Variants in NCS1 observed in about 807,000 individuals in gnomAD.
NCS1 encodes the protein neuronal calcium sensor 1, also known as frequenin homolog.
NCS1 carries 6 observed loss-of-function variants against 28.4 expected under a neutral mutation model. The observed-to-expected ratio is 0.21, with a 90% CI of 0.12 to 0.42. NCS1 has a LOEUF of 0.42. Among genes scored for constraint, NCS1 ranks in the 10% least tolerant of loss-of-function variants. The pLI, the probability that NCS1 is intolerant of heterozygous loss-of-function variation, is 1.00. For missense variants in NCS1, 131 were observed against 241.4 expected (o/e 0.54, Z 3.03); for synonymous variants, 86 against 99.3 (o/e 0.87, Z 0.79).
intron 2 of NCS1, among the ~76,000 whole-genome samples, chr9:130,217,277 A>G (rs1554909550): frequency 6.6e-6 from 1 of 152,184 alleles, no homozygotes; most frequent in African/African-American, 2.4e-5. Context: ...GTCCAGTTGG[A>G]ACAGCCAGGA....
rs1283604867 is a variant in NCS1, at chr9:130,181,758, G to A, written c.64+9031G>A. Reference sequence around the variant, plus strand: ...TGGTGTGGGTGTTGCAGGCAGGGCGGGTGCTGCGGGGCACGTGGGCAAGTC... The same window carrying A: ...TGGTGTGGGTGTTGCAGGCAGGGCGAGTGCTGCGGGGCACGTGGGCAAGTC... On this transcript the variant is annotated intron_variant, in intron 1 of 7. Coordinates refer to ENST00000372398, the MANE Select transcript of NCS1 (RefSeq NM_014286.4). The surrounding 1 kb of genome is among the most constrained non-coding windows in gnomAD (Gnocchi z 5.0). Among the ~76,000 whole-genome samples, 1 of 152,158 alleles carries A rather than the reference G, an allele frequency of 6.6e-6. No homozygotes were observed. The highest frequency in any genetic ancestry group is 1.5e-5 in the Non-Finnish European group (1 of 68,020).
At chr9:130,228,670 T>TC (rs1554911732) in intron 7 of NCS1, among the ~76,000 whole-genome samples, 2 of 151,060 alleles carry the variant, frequency 1.3e-5, no homozygotes. Context: ...TTTCTTTCTT[T>TC]CTTTTTTTTT....
chr9:130,180,117 C>T lies in NCS1; in HGVS notation c.64+7390C>T, dbSNP rs59952029. On this transcript the variant is annotated intron_variant, in intron 1 of 7. Coordinates refer to ENST00000372398, the MANE Select transcript of NCS1 (RefSeq NM_014286.4). The surrounding 1 kb of genome is among the most constrained non-coding windows in gnomAD (Gnocchi z 4.5). Reference sequence around the variant, plus strand: ...TGGCGCGATCTCGGCTCACTATAATCGCCACCTCCCGGGTTCAAGCTGTTC... The same window carrying T: ...TGGCGCGATCTCGGCTCACTATAATTGCCACCTCCCGGGTTCAAGCTGTTC... Among the ~76,000 whole-genome samples, 8,193 of 152,186 alleles carry T rather than the reference C, an allele frequency of 0.054. 753 individuals carry two copies. The highest frequency in any genetic ancestry group is 0.19 in the African/African-American group (7,752 of 41,468).
At chr9:130,221,415 GAGA>G (rs1833298413) in intron 4 of NCS1, among the ~76,000 whole-genome samples, 1 of 48,106 alleles carries the variant, frequency 2.1e-5, no homozygotes, top group African/African-American at 8.2e-5. Context: ...TATATATATA[GAGA>G]GAGAGAGAGA....
rs141829176 is a variant in NCS1, at chr9:130,185,789, G to A, written c.64+13062G>A. Among the ~76,000 whole-genome samples the A allele has an allele frequency of 6.6e-3, 1,008 of 152,340 alleles. 15 individuals are homozygous for A. The highest frequency in any genetic ancestry group is 0.023 in the African/African-American group (952 of 41,572). On this transcript the variant is annotated intron_variant, in intron 1 of 7. Coordinates refer to ENST00000372398, the MANE Select transcript of NCS1 (RefSeq NM_014286.4). ...TGCACTGGCCGGGTTCTTGCCCCTC[G>A]GCCAGTGGCCCCACCACCCCCTGCG... is the stretch of plus-strand genomic sequence containing the variant.
chr9:130,207,721 T>C (rs551069874), intron 2 of NCS1, among the ~76,000 whole-genome samples: 1 of 152,288 alleles, frequency 6.6e-6, no homozygotes, highest in Admixed American at 6.5e-5. Flanking sequence ...GGCACGGCAA[T>C]AGGAGGCCCG....
At position 130,187,177 on chromosome 9, in the gene NCS1, G is replaced by A. The variant is rs559463196; in HGVS notation, c.65-13781G>A. On this transcript the variant is annotated intron_variant, in intron 1 of 7. Coordinates refer to ENST00000372398, the MANE Select transcript of NCS1 (RefSeq NM_014286.4). ...GGCCACAGGGCACACCTGGGAGACGGGGGGCCCTGCCCAGGGAGGCACCGG... is the reference window on the plus strand; with the variant it reads ...GGCCACAGGGCACACCTGGGAGACGAGGGGCCCTGCCCAGGGAGGCACCGG... Among the ~76,000 whole-genome samples, 7 of 152,268 alleles carry A rather than the reference G, an allele frequency of 4.6e-5. No homozygotes were observed. In the East Asian group the frequency reaches 1.4e-3, roughly 29 times the overall value.
At chr9:130,176,202 T>TTCTTTCTTTCTTTC (rs1816034257) in intron 1 of NCS1, among the ~76,000 whole-genome samples, 1 of 77,972 alleles carries the variant, frequency 1.3e-5, no homozygotes, top group African/African-American at 4.4e-5. Flanking sequence ...TTCTTTTTTT[T>TTCTTTCTTTCTTTC]TTTTTTTGGA....
chr9:130,203,098 A>ATG (rs148713429), intron 2 of NCS1, among the ~76,000 whole-genome samples: 1,813 of 144,012 alleles, frequency 0.013, 40 homozygotes, highest in African/African-American at 0.044. Context: ...ATACATATAT[A>ATG]TGTGTGTGTG....
rs1051228217 is a variant in NCS1, at chr9:130,236,178, G to C, written c.*3206G>C. ...TTTTTTCGGAGGGGGTTGGTGGGGA[G>C]GTCGGGATGCCTGGGATCCCTTCCT... On this transcript the variant is annotated 3_prime_UTR_variant, in exon 8 of 8. Coordinates refer to ENST00000372398, the MANE Select transcript of NCS1 (RefSeq NM_014286.4). 24 of 152,242 alleles carry C rather than the reference G, an allele frequency of 1.6e-4. No individual in the cohort carries two copies. Among genetic ancestry groups the C allele is most frequent in the African/African-American group, 5.5e-4 (23 of 41,458 alleles). 9.4% of individuals were successfully genotyped at this position (152,242 alleles called of 1,614,324 possible).
intron 1 of NCS1, among the ~76,000 whole-genome samples, chr9:130,183,765 C>T (rs1269615239): frequency 1.4e-5 from 2 of 145,586 alleles, no homozygotes; most frequent in African/African-American, 5.1e-5. Flanking sequence ...TTCTCTTTCT[C>T]TTTTCCTTCC....
chr9:130,230,242 T>G (rs1554911905), intron 7 of NCS1, among the ~76,000 whole-genome samples: 1 of 151,806 alleles, frequency 6.6e-6, no homozygotes, highest in Non-Finnish European at 1.5e-5. Flanking sequence ...TCCCAGCTAT[T>G]TGGGAGGCCG....
chr9:130,225,893 G>C (rs541398704), intron 6 of NCS1, among the ~76,000 whole-genome samples: 1 of 152,024 alleles, frequency 6.6e-6, no homozygotes, highest in Admixed American at 6.6e-5. Context: ...TCCCCTCCCC[G>C]AGAGACCCAC....
chr9:130,228,671 C>CT (rs202118811), intron 7 of NCS1, among the ~76,000 whole-genome samples: 4,633 of 141,828 alleles, frequency 0.033, 90 homozygotes, highest in East Asian at 0.067. Flanking sequence ...TTCTTTCTTT[C>CT]TTTTTTTTTT....
rs1833539106 is a variant in NCS1 at position 130,233,986 on chromosome 9, T to G, written c.*1014T>G. The G allele has an allele frequency of 6.6e-6, 1 of 152,100 alleles. No individual in the cohort carries two copies. Among genetic ancestry groups the G allele is most frequent in the African/African-American group, 2.4e-5 (1 of 41,400 alleles). 9.4% of individuals were successfully genotyped at this position (152,100 alleles called of 1,614,324 possible). A position where few individuals can be genotyped will look rare whatever the true frequency, so the allele number is the denominator to read the frequency against. On this transcript the variant is annotated 3_prime_UTR_variant, in exon 8 of 8. Coordinates refer to ENST00000372398, the MANE Select transcript of NCS1 (RefSeq NM_014286.4). This position sits in a 1 kb window ranked among gnomAD's most constrained non-coding sequence, Gnocchi z 4.8. Reference sequence around the variant, plus strand: ...TTTTTCCGAGGATGAACAGGGGACATCTTTAGGTTTCTCAACTCTTGCTTT... The same window carrying G: ...TTTTTCCGAGGATGAACAGGGGACAGCTTTAGGTTTCTCAACTCTTGCTTT...
At chr9:130,188,163 C>T (rs988933706) in intron 1 of NCS1, among the ~76,000 whole-genome samples, 8 of 152,232 alleles carry the variant, frequency 5.3e-5, no homozygotes, top group Non-Finnish European at 7.3e-5. Flanking sequence ...GGGATACTTG[C>T]TGTGTTCTCT....
chr9:130,217,973 G>A lies in NCS1; in HGVS notation c.228+3G>A. The A allele has an allele frequency of 5.6e-6, 9 of 1,614,180 alleles. No individual in the cohort carries two copies. The highest frequency in any genetic ancestry group is 7.6e-6 in the Non-Finnish European group (9 of 1,180,028). On this transcript the variant is annotated splice_donor_region_variant and intron_variant, in intron 3 of 7. Transcript: ENST00000372398. ...TCAACGTCTTTGATGAAAACAAGGT[G>A]AGCTGGGGATTGATGGGGCCTGCGG...
Position 130,219,429 on chromosome 9 carries a change from C to T in NCS1, c.229-296C>T, listed in dbSNP as rs1833237949. Among the ~76,000 whole-genome samples, 2 of 152,302 alleles carry T rather than the reference C, an allele frequency of 1.3e-5. No homozygotes were observed. The highest frequency in any genetic ancestry group is 4.1e-4 in the South Asian group (2 of 4,822). On this transcript the variant is annotated intron_variant, in intron 3 of 7. Transcript: ENST00000372398. The surrounding 1 kb of genome is among the most constrained non-coding windows in gnomAD (Gnocchi z 5.7). ...GAGAGGAGCTCAGGCATTGGTGCTT[C>T]TGGCACCTTCTCCCATCAAGAGTGG... is the stretch of plus-strand genomic sequence containing the variant.
At chr9:130,201,070 C>T (rs1377476827) in intron 2 of NCS1, 88 bp downstream of exon 2, 3 of 1,576,116 alleles carry the variant, frequency 1.9e-6, no homozygotes, top group Non-Finnish European at 2.6e-6. Flanking sequence ...AGTCCAGCTG[C>T]TCAGGATGGG....
Sources: gnomAD v4.1 joint callset for allele counts (sites outside exome capture counted in the v4.1 genomes callset) on GRCh38, gnomAD v4.1.1 for gene constraint, Gnocchi (gnomAD v3.1) non-coding constraint, MANE v1.5 for transcripts, NCBI Gene and HGNC (gene_info 2026-07-23, HGNC 2026-07-21) for gene names.